Variants in GLMN observed in about 807,000 individuals in gnomAD.
GLMN encodes glomulin.
In GLMN, 75 loss-of-function variants were observed where a neutral mutation model predicts 87.8. The ratio of observed to expected loss-of-function variants is 0.85; its 90% CI spans 0.71 to 1.04. The LOEUF (loss-of-function observed/expected upper bound fraction) is 1.04, where lower values mean the gene tolerates loss of function less well. Among genes scored for constraint, GLMN ranks in the 50% least tolerant of loss-of-function variants. The pLI is 0.00. For synonymous variants in GLMN, 206 were observed against 221.6 expected (o/e 0.93, Z 0.63); for missense variants, 588 against 658.8 (o/e 0.89, Z 1.18).
rs572932003 is a variant in GLMN at position 92,298,967 on chromosome 1, G to A, written c.-73C>T. On this transcript the variant is annotated 5_prime_UTR_variant, in exon 1 of 19. Coordinates refer to ENST00000370360, the MANE Select transcript of GLMN (RefSeq NM_053274.3). ...TCTCCCAGCCGCCGCCACCTCCTCCGGCGTCTTAGCCCGCTCTTCTGGCCC... is the reference window on the plus strand; with the variant it reads ...TCTCCCAGCCGCCGCCACCTCCTCCAGCGTCTTAGCCCGCTCTTCTGGCCC... 7.9e-6 allele frequency: 4 copies of A among 506,540 alleles called. No individual in the cohort carries two copies. Among genetic ancestry groups the A allele is most frequent in the Admixed American group, 7.8e-5 (2 of 25,654 alleles). 31.4% of individuals were successfully genotyped at this position (506,540 alleles called of 1,614,324 possible).
At chr1:92,279,780 C>A (rs964126558) in intron 7 of GLMN, among the ~76,000 whole-genome samples, 1 of 152,254 alleles carries the variant, frequency 6.6e-6, no homozygotes, top group Non-Finnish European at 1.5e-5. Context: ...ATAGTCTTAG[C>A]AACCGGCAGA....
Position 92,266,456 on chromosome 1 carries a change from T to A in GLMN, c.1177A>T (p.Asn393Tyr), listed in dbSNP as rs1397019423. 2.5e-6 allele frequency: 4 copies of A among 1,574,228 alleles called. No homozygotes were observed. The highest frequency in any genetic ancestry group is 3.5e-6 in the Non-Finnish European group (4 of 1,144,454). ...KSLAMLQLYINKLDSQGKYTL... is the reference protein window; with the variant it reads ...KSLAMLQLYIYKLDSQGKYTL... The stretch of plus-strand genomic sequence containing the variant: ...TATTTGCCTTGTGAATCCAACTTGT[T>A]AATATACAGCTGAAGCATAGCTAAA... The change falls in exon 13 of 19, where the codon AAC becomes TAC. Residue 393 changes from asparagine to tyrosine, a missense_variant. Coordinates refer to ENST00000370360, the MANE Select transcript of GLMN (RefSeq NM_053274.3).
intron 16 of GLMN, among the ~76,000 whole-genome samples, chr1:92,252,434 G>A (rs1653639580): frequency 1.3e-5 from 2 of 152,096 alleles, no homozygotes; most frequent in African/African-American, 4.8e-5. Context: ...ATAGTCACAT[G>A]TGTCTACTGT....
At chr1:92,326,367 G>C in the GLMN span, among the ~76,000 whole-genome samples, 1 of 152,172 alleles carries the variant, frequency 6.6e-6, no homozygotes, top group East Asian at 1.9e-4. Context: ...GGAGATGGCA[G>C]GGGGGTGAAA....
chr1:92,285,450 A>G (rs1456249739), intron 7 of GLMN, among the ~76,000 whole-genome samples: 1 of 150,878 alleles, frequency 6.6e-6, no homozygotes, highest in East Asian at 2.0e-4. Flanking sequence ...AACATCACAC[A>G]CCATGGCTGG....
intron 7 of GLMN, among the ~76,000 whole-genome samples, 156 bp from the exon 8 acceptor site, chr1:92,271,808 C>T (rs1056092960): frequency 2.0e-5 from 3 of 152,074 alleles, no homozygotes; most frequent in South Asian, 2.1e-4. Flanking sequence ...CAACAGAATG[C>T]GCCAAGATGT....
the GLMN span, among the ~76,000 whole-genome samples, chr1:92,327,690 A>G: frequency 1.3e-5 from 2 of 149,186 alleles, no homozygotes; most frequent in South Asian, 4.2e-4. Context: ...TATTCTATTC[A>G]TCGTGCTATT....
the GLMN span, among the ~76,000 whole-genome samples, chr1:92,305,427 C>T: frequency 2.7e-4 from 10 of 37,112 alleles, no homozygotes; most frequent in Admixed American, 3.6e-4. Context: ...AGTGAGGCTC[C>T]GTCTCAAAAA....
At chr1:92,307,126 C>T in the GLMN span, 74 of 1,099,380 alleles carry the variant, frequency 6.7e-5, 1 homozygote, top group South Asian at 9.9e-4. Context: ...TTTATACTCT[C>T]AACTGTATGT....
At chr1:92,259,339 G>A (rs762357111) in intron 16 of GLMN, among the ~76,000 whole-genome samples, 5 of 152,130 alleles carry the variant, frequency 3.3e-5, no homozygotes, top group African/African-American at 9.7e-5. Context: ...GAGCATGTTT[G>A]TACTATAATA....
intron 16 of GLMN, among the ~76,000 whole-genome samples, chr1:92,262,498 A>C (rs1655165007): frequency 6.6e-6 from 1 of 152,204 alleles, no homozygotes; most frequent in African/African-American, 2.4e-5. Flanking sequence ...GGCAATATTA[A>C]AATATCAGAT....
At chr1:92,346,465 G>C in the GLMN span, among the ~76,000 whole-genome samples, 1 of 152,010 alleles carries the variant, frequency 6.6e-6, no homozygotes, top group African/African-American at 2.4e-5. Flanking sequence ...CACCCAGCCT[G>C]TTATCATCTT....
chr1:92,309,854 G>A, the GLMN span, among the ~76,000 whole-genome samples: 1 of 152,158 alleles, frequency 6.6e-6, no homozygotes, highest in South Asian at 2.1e-4. Flanking sequence ...GATAACAATA[G>A]GTAAATAACA....
At chr1:92,259,116 C>A (rs1199672535) in intron 16 of GLMN, among the ~76,000 whole-genome samples, 1 of 151,900 alleles carries the variant, frequency 6.6e-6, no homozygotes, top group African/African-American at 2.4e-5. Flanking sequence ...TAATTACAAA[C>A]TTTTTAGAAA....
Position 92,289,109 on chromosome 1 carries a change from G to A in GLMN, c.437C>T (p.Ala146Val), listed in dbSNP as rs756248885. The A allele has an allele frequency of 1.6e-5, 25 of 1,609,746 alleles. No individual in the cohort carries two copies. Among genetic ancestry groups the A allele is most frequent in the African/African-American group, 2.7e-5 (2 of 74,812 alleles). ...TAGCTGATTCCAAAGGGTAGACAAT[G>A]CTAATCCAATTGAATATGCCTTGTT... Reference protein sequence around the residue: ...LHNKAYSIGLALSTLWNQLSL... With the variant: ...LHNKAYSIGLVLSTLWNQLSL... Residue 146 changes from alanine to valine, a missense_variant, in exon 6 of 19, where the codon GCA becomes GTA. Transcript: ENST00000370360.
At chr1:92,356,235 C>T in the GLMN span, among the ~76,000 whole-genome samples, 1 of 152,032 alleles carries the variant, frequency 6.6e-6, no homozygotes, top group African/African-American at 2.4e-5. Context: ...CCTCAGCCTC[C>T]CAAAGTGCTA....
At chr1:92,348,890 A>T in the GLMN span, among the ~76,000 whole-genome samples, 4 of 152,206 alleles carry the variant, frequency 2.6e-5, no homozygotes, top group African/African-American at 9.7e-5. Context: ...GGGAAAGCAA[A>T]AACAGGCATG....
the GLMN span, among the ~76,000 whole-genome samples, chr1:92,305,432 C>CAAAAAAAAAAAAAAAAAAAAAAAA: frequency 8.9e-4 from 47 of 52,666 alleles, 2 homozygotes; most frequent in African/African-American, 1.5e-3. Flanking sequence ...GGCTCCGTCT[C>CAAAAAAAAAAAAAAAAAAAAAAAA]AAAAAAAAAA....
intron 8 of GLMN, among the ~76,000 whole-genome samples, chr1:92,270,373 A>G (rs1428378657): frequency 6.6e-6 from 1 of 152,236 alleles, no homozygotes; most frequent in Non-Finnish European, 1.5e-5. Context: ...CAAAGTAGTT[A>G]GATCTTCAGT....
Sources: gnomAD v4.1 joint callset for allele counts (sites outside exome capture counted in the v4.1 genomes callset) on GRCh38, gnomAD v4.1.1 for gene constraint, MANE v1.5 for transcripts, NCBI Gene and HGNC (gene_info 2026-07-23, HGNC 2026-07-21) for gene names.